Variants in ANK3 observed in about 807,000 individuals in gnomAD.
The protein encoded by ANK3 is ankyrin-3.
A neutral mutation model predicts 370.9 loss-of-function variants in ANK3; 57 were observed. That is an observed-to-expected ratio of 0.15 (90% CI 0.12 to 0.19). The LOEUF (loss-of-function observed/expected upper bound fraction) is 0.19. ANK3 is among the 10% of genes least tolerant of loss of function. The pLI is 1.00. For missense variants in ANK3, 4,439 were observed against 5,302.1 expected, an observed-to-expected ratio of 0.84 and a Z score of 5.06; for synonymous variants, 1,929 against 1,946.3, an observed-to-expected ratio of 0.99 and a Z score of 0.23.
chr10:60,367,941 T>G (rs112168715), intron 1 of ANK3, among the ~76,000 whole-genome samples: 1,586 of 152,286 alleles, frequency 0.01, 31 homozygotes, highest in African/African-American at 0.037. Flanking sequence ...GTATTTCAGA[T>G]GGTGGGAGCC....
At chr10:60,589,092 T>C (rs552076807) in intron 2 of ANK3, among the ~76,000 whole-genome samples, 3 of 152,312 alleles carry the variant, frequency 2.0e-5, no homozygotes, top group Non-Finnish European at 4.4e-5. Context: ...AAACATTTAA[T>C]GTTTCATGAT....
At chr10:60,559,183 G>A (rs1467293722) in intron 2 of ANK3, among the ~76,000 whole-genome samples, 1 of 152,038 alleles carries the variant, frequency 6.6e-6, no homozygotes, top group East Asian at 1.9e-4. Context: ...TTAATAAGTA[G>A]TAATTTCTGA....
At position 60,069,031 on chromosome 10, in the gene ANK3, C is replaced by T; in HGVS notation, c.11850G>A (p.Leu3950=). 6.2e-7 allele frequency: 1 copy of T among 1,613,988 alleles called. No homozygotes were observed. Among genetic ancestry groups the T allele is most frequent in the Non-Finnish European group, 8.5e-7 (1 of 1,179,940 alleles). ...CACAGGTGGATCTTACCTTTACTGG[C>T]AACTTGGATGGAAGCTGTTTGGCCT... ...KGKAKQLPSK[L]PVKVRSTCVT... The change falls in exon 37 of 44, where the codon TTG becomes TTA. Residue 3950 remains leucine, a synonymous_variant. Transcript: ENST00000280772.
At chr10:60,660,411 C>T (rs757141613) in intron 1 of ANK3, among the ~76,000 whole-genome samples, 4 of 152,102 alleles carry the variant, frequency 2.6e-5, no homozygotes, top group Non-Finnish European at 4.4e-5. Context: ...AAACACCTGT[C>T]AAGTCATAAT....
At chr10:60,040,842 T>C (rs2131860477) in intron 43 of ANK3, among the ~76,000 whole-genome samples, 1 of 152,314 alleles carries the variant, frequency 6.6e-6, no homozygotes, top group South Asian at 2.1e-4. Flanking sequence ...AGGGGCATAC[T>C]ACAGATGACT....
chr10:60,546,612 C>T (rs1461982362), intron 2 of ANK3, among the ~76,000 whole-genome samples: 1 of 152,116 alleles, frequency 6.6e-6, no homozygotes, highest in Non-Finnish European at 1.5e-5. Context: ...CATTCAACTG[C>T]TCTATTTATT....
intron 1 of ANK3, among the ~76,000 whole-genome samples, chr10:60,336,420 A>T (rs2052901152): frequency 1.3e-5 from 2 of 152,200 alleles, no homozygotes; most frequent in South Asian, 4.1e-4. Flanking sequence ...TGTAAACTGT[A>T]AGCCCTGGAT....
chr10:60,058,102 G>A (rs1273890206), intron 41 of ANK3, among the ~76,000 whole-genome samples: 2 of 152,174 alleles, frequency 1.3e-5, no homozygotes, highest in Non-Finnish European at 2.9e-5. Context: ...TAGTGCTACT[G>A]AGAAATTACT....
chr10:60,313,928 G>GTTTT (rs760802914), intron 1 of ANK3, among the ~76,000 whole-genome samples: 1 of 132,122 alleles, frequency 7.6e-6, no homozygotes, highest in Admixed American at 7.5e-5. Flanking sequence ...TTTTGTTTTT[G>GTTTT]TTTTTTTTTT....
At chr10:60,605,708 G>A (rs1052490036) in intron 2 of ANK3, among the ~76,000 whole-genome samples, 8 of 152,154 alleles carry the variant, frequency 5.3e-5, no homozygotes, top group African/African-American at 1.7e-4. Flanking sequence ...AATGGACAAA[G>A]GCCTGTGCTG....
At chr10:60,475,397 A>G (rs2075035856) in intron 2 of ANK3, among the ~76,000 whole-genome samples, 1 of 152,158 alleles carries the variant, frequency 6.6e-6, no homozygotes, top group Non-Finnish European at 1.5e-5. Context: ...CCTGTTCACT[A>G]CTGTTCCTTG....
At chr10:60,733,301 A>T in exon 1 of ANK3, 1 of 1,236,088 alleles carries the variant, frequency 8.1e-7, no homozygotes, top group Non-Finnish European at 1.0e-6. Context: ...GCGGGAGAGG[A>T]GGAGGCGGAG....
chr10:60,244,579 T>C (rs932038214), intron 7 of ANK3, among the ~76,000 whole-genome samples: 2 of 152,230 alleles, frequency 1.3e-5, no homozygotes, highest in Non-Finnish European at 2.9e-5. Flanking sequence ...CAGATTTCAG[T>C]GTGTGATTTA....
At chr10:60,596,457 T>C (rs2077989093) in intron 2 of ANK3, among the ~76,000 whole-genome samples, 1 of 152,168 alleles carries the variant, frequency 6.6e-6, no homozygotes, top group Non-Finnish European at 1.5e-5. Flanking sequence ...GTTGCAGCCA[T>C]TACCTTACTA....
intron 2 of ANK3, among the ~76,000 whole-genome samples, chr10:60,515,818 G>A (rs1208281656): frequency 1.3e-5 from 2 of 152,110 alleles, no homozygotes; most frequent in Non-Finnish European, 2.9e-5. Context: ...AACATTAAAA[G>A]CTAAAATCAT....
chr10:60,263,774 T>C, intron 6 of ANK3, 61 bp downstream of exon 6: 2 of 1,598,416 alleles, frequency 1.3e-6, no homozygotes, highest in South Asian at 2.2e-5. Context: ...CGGGTGCTCT[T>C]AAAGGTTGTG....
intron 2 of ANK3, among the ~76,000 whole-genome samples, chr10:60,481,709 C>T (rs2075221381): frequency 6.6e-6 from 1 of 152,194 alleles, no homozygotes; most frequent in South Asian, 2.1e-4. Flanking sequence ...GGTGATCTGC[C>T]TGCCTCGGCC....
chr10:60,541,707 C>T (rs2076853258), intron 2 of ANK3, among the ~76,000 whole-genome samples: 1 of 151,886 alleles, frequency 6.6e-6, no homozygotes, highest in African/African-American at 2.4e-5. Flanking sequence ...AGTCTCACTA[C>T]TTACTAGGCT....
chr10:60,544,165 A>G (rs924907696), intron 2 of ANK3, among the ~76,000 whole-genome samples: 4 of 152,094 alleles, frequency 2.6e-5, no homozygotes, highest in Non-Finnish European at 5.9e-5. Flanking sequence ...AACCCAGAGA[A>G]GGGGGCAGGC....
Sources: allele counts gnomAD v4.1 joint callset (sites outside exome capture counted in the v4.1 genomes callset), GRCh38; gene constraint gnomAD v4.1.1; transcripts MANE v1.5; gene names NCBI Gene and HGNC (gene_info 2026-07-23, HGNC 2026-07-21).